The following ZNF385D variants were observed in gnomAD, a reference collection of about 807,000 sequenced individuals.
ZNF385D encodes the protein zinc finger protein 385D.
In ZNF385D, 15 loss-of-function variants were observed where a neutral mutation model predicts 35.8. That is an observed-to-expected ratio of 0.42 (90% CI 0.28 to 0.64). The LOEUF is 0.64. ZNF385D is among the 30% of genes least tolerant of loss of function. The pLI, the probability that ZNF385D is intolerant of heterozygous loss-of-function variation, is 0.23. For synonymous variants in ZNF385D, 212 were observed against 186.8 expected, an observed-to-expected ratio of 1.13 and a Z score of -1.10; for missense variants, 474 against 494.6, an observed-to-expected ratio of 0.96 and a Z score of 0.39.
In ZNF385D at chr3:21,786,022, C is replaced by CTTT. The variant is rs71901814; in HGVS notation, c.326-120997_326-120995dup. The stretch of plus-strand genomic sequence containing the variant: ...TTATCCCAAGTGCTGTTACTTTACC[C>CTTT]TTTTTTTTTTTACCATGTGACTTCA... On this transcript the variant is annotated intron_variant, in intron 3 of 5. Transcript: ENST00000494108. 8.6e-3 allele frequency among the ~76,000 whole-genome samples: 1,286 copies of CTTT among 148,724 alleles called. 18 individuals are homozygous for CTTT. The highest frequency in any genetic ancestry group is 0.028 in the African/African-American group (1,144 of 40,658).
intron 2 of ZNF385D, among the ~76,000 whole-genome samples, chr3:22,307,341 T>C (rs1189332867): frequency 4.6e-5 from 7 of 152,174 alleles, no homozygotes; most frequent in African/African-American, 1.4e-4. Context: ...AGACTCTAAA[T>C]AGTGTAAGTA....
intron 3 of ZNF385D, among the ~76,000 whole-genome samples, chr3:21,521,486 C>G (rs1485107069): frequency 6.6e-6 from 1 of 152,186 alleles, no homozygotes; most frequent in Non-Finnish European, 1.5e-5. Context: ...GGCACAGTGG[C>G]TTACACTTGT....
intron 3 of ZNF385D, among the ~76,000 whole-genome samples, chr3:22,084,296 A>G (rs1043514968): frequency 2.6e-5 from 4 of 152,008 alleles, no homozygotes; most frequent in African/African-American, 9.7e-5. Context: ...CAAATTGGAT[A>G]GAGTCAAGAC....
At chr3:22,251,268 C>T (rs1700051097) in intron 2 of ZNF385D, among the ~76,000 whole-genome samples, 2 of 152,134 alleles carry the variant, frequency 1.3e-5, no homozygotes, top group African/African-American at 4.8e-5. Flanking sequence ...TCTACTGTAA[C>T]TTCTTCCCTC....
At chr3:21,814,160 G>C (rs1040833034) in intron 3 of ZNF385D, among the ~76,000 whole-genome samples, 7 of 152,156 alleles carry the variant, frequency 4.6e-5, no homozygotes, top group Admixed American at 3.3e-4. Flanking sequence ...GAGAGATTTT[G>C]TCACCAACAG....
At chr3:21,908,904 A>C (rs1699826352) in intron 3 of ZNF385D, among the ~76,000 whole-genome samples, 5 of 152,096 alleles carry the variant, frequency 3.3e-5, no homozygotes, top group Admixed American at 6.6e-5. Context: ...AGAATATGAA[A>C]ATTATTTTTT....
intron 3 of ZNF385D, among the ~76,000 whole-genome samples, chr3:22,010,949 A>T (rs544429545): frequency 2.0e-5 from 3 of 152,166 alleles, no homozygotes; most frequent in Non-Finnish European, 4.4e-5. Flanking sequence ...TCTACTCAGA[A>T]CCAAAGATAC....
chr3:21,658,722 A>G (rs942455979), intron 2 of ZNF385D, among the ~76,000 whole-genome samples: 1 of 152,018 alleles, frequency 6.6e-6, no homozygotes, highest in African/African-American at 2.4e-5. Context: ...TTCCAAAGCA[A>G]ACCTTAACCT....
chr3:21,556,924 C>G (rs1486436152), intron 3 of ZNF385D, among the ~76,000 whole-genome samples: 2 of 152,272 alleles, frequency 1.3e-5, no homozygotes, highest in African/African-American at 4.8e-5. Context: ...ATTTTATTCT[C>G]TTTGTAGCAA....
intron 2 of ZNF385D, among the ~76,000 whole-genome samples, chr3:22,333,169 C>T (rs972724471): frequency 5.3e-5 from 8 of 152,114 alleles, no homozygotes; most frequent in African/African-American, 1.9e-4. Context: ...GATCAGACAT[C>T]TTCTGTAATT....
chr3:21,421,226 A>G lies in ZNF385D; in HGVS notation c.1176T>C (p.Phe392=). The change falls in exon 8 of 8, where the codon TTT becomes TTC. Residue 392 remains phenylalanine (F), a synonymous_variant. Transcript: ENST00000281523. ...TCCTATTTGGAATTTAGTAAGGAGC[A>G]AACAGCACAGGAGTGTGGGCGGTCC... ...PIRTAHTPVL[F]APY is the part of the protein sequence containing the mutation. 6.2e-7 allele frequency: 1 copy of G among 1,614,016 alleles called. No individual in the cohort carries two copies. Among genetic ancestry groups the G allele is most frequent in the Non-Finnish European group, 8.5e-7 (1 of 1,179,954 alleles).
At chr3:22,322,860 C>CT (rs1694505307) in intron 2 of ZNF385D, among the ~76,000 whole-genome samples, 1 of 152,060 alleles carries the variant, frequency 6.6e-6, no homozygotes, top group Non-Finnish European at 1.5e-5. Context: ...TACTTAAGTA[C>CT]TTTTTATCAT....
At chr3:22,170,473 A>T (rs1421866836) in intron 2 of ZNF385D, among the ~76,000 whole-genome samples, 2 of 152,248 alleles carry the variant, frequency 1.3e-5, no homozygotes, top group Non-Finnish European at 2.9e-5. Flanking sequence ...GTCACTATCC[A>T]AATTCCAAAA....
chr3:22,026,377 C>T (rs1346890564), intron 3 of ZNF385D, among the ~76,000 whole-genome samples: 1 of 152,106 alleles, frequency 6.6e-6, no homozygotes, highest in Non-Finnish European at 1.5e-5. Context: ...CCCAAGGAAA[C>T]CTCTAGCCTT....
intron 2 of ZNF385D, among the ~76,000 whole-genome samples, chr3:21,581,571 C>T (rs2063665213): frequency 6.6e-6 from 1 of 152,086 alleles, no homozygotes; most frequent in Non-Finnish European, 1.5e-5. Context: ...CATGTGAAAA[C>T]AGCCACCCTA....
intron 3 of ZNF385D, among the ~76,000 whole-genome samples, chr3:21,994,878 G>A (rs1185862034): frequency 6.6e-6 from 1 of 152,204 alleles, no homozygotes; most frequent in East Asian, 1.9e-4. Context: ...GGTAAGGCTT[G>A]GCTATGTATG....
intron 2 of ZNF385D, among the ~76,000 whole-genome samples, chr3:22,331,677 A>T (rs990387526): frequency 1.3e-5 from 2 of 152,264 alleles, no homozygotes; most frequent in Admixed American, 6.5e-5. Flanking sequence ...AGAAATAAGG[A>T]CTAAATTTGT....
chr3:21,864,078 C>G (rs551717723), intron 3 of ZNF385D, among the ~76,000 whole-genome samples: 15 of 152,198 alleles, frequency 9.9e-5, no homozygotes, highest in Admixed American at 5.2e-4. Flanking sequence ...AAGGAGTGTG[C>G]CTCTACCGAT....
rs537207963 is a variant in ZNF385D, at chr3:21,747,311, T to C, written c.22+3584A>G. Among the ~76,000 whole-genome samples, 6 of 152,350 alleles carry C rather than the reference T, an allele frequency of 3.9e-5. No individual in the cohort carries two copies. The South Asian group carries it at 1.2e-3, about 32-fold the overall frequency. ...CTAATATTTGCCTCTTAATTCTGTT[T>C]AAAGTGTATCATTTCATTTTTTTTA... On this transcript the variant is annotated intron_variant, in intron 1 of 7. Transcript: ENST00000281523.
Sources: allele counts gnomAD v4.1 joint callset (sites outside exome capture counted in the v4.1 genomes callset), GRCh38; gene constraint gnomAD v4.1.1; transcripts MANE v1.5; gene names NCBI Gene and HGNC (gene_info 2026-07-23, HGNC 2026-07-21).